The following LHPP variants were observed in gnomAD, a reference collection of about 807,000 sequenced individuals.
LHPP encodes the protein phospholysine phosphohistidine inorganic pyrophosphate phosphatase.
Under a neutral mutation model 30.3 loss-of-function variants are expected in LHPP, and 24 were observed. That is an observed-to-expected ratio of 0.79 (90% CI 0.57 to 1.11). The LOEUF (loss-of-function observed/expected upper bound fraction) is 1.11. Among genes scored for constraint, LHPP ranks in the 50% most tolerant of loss-of-function variants. LHPP has a pLI of 0.00. For missense variants in LHPP, 356 were observed against 367.2 expected (o/e 0.97, Z 0.25); for synonymous variants, 150 against 157.1 (o/e 0.95, Z 0.34).
intron 6 of LHPP, among the ~76,000 whole-genome samples, chr10:124,528,814 G>T (rs1954809771): frequency 6.6e-6 from 1 of 152,128 alleles, no homozygotes; most frequent in Non-Finnish European, 1.5e-5. Context: ...GAATGTGGCA[G>T]GTGTCCCCTG....
At chr10:124,486,599 C>T (rs565779626) in intron 2 of LHPP, among the ~76,000 whole-genome samples, 38 of 152,374 alleles carry the variant, frequency 2.5e-4, no homozygotes, top group South Asian at 6.2e-4. Flanking sequence ...ATTCTCCCAG[C>T]GATGATGTGT....
At chr10:124,520,820 C>T (rs867676017) in intron 6 of LHPP, among the ~76,000 whole-genome samples, 6 of 152,182 alleles carry the variant, frequency 3.9e-5, no homozygotes, top group Non-Finnish European at 8.8e-5. Context: ...GTAGCTCGCC[C>T]ACAGTGAGAC....
intron 1 of LHPP, among the ~76,000 whole-genome samples, 197 bp downstream of exon 1, chr10:124,462,184 C>G (rs1431410678): frequency 1.3e-5 from 2 of 152,188 alleles, no homozygotes; most frequent in African/African-American, 2.4e-5. Flanking sequence ...CACCAGGACT[C>G]TGCTGGTTAG....
chr10:124,600,007 G>C (rs1170116792), intron 6 of LHPP, among the ~76,000 whole-genome samples: 2 of 152,174 alleles, frequency 1.3e-5, no homozygotes, highest in Non-Finnish European at 2.9e-5. Flanking sequence ...TGCGGAGTGA[G>C]GGAGTGAGAG....
intron 1 of LHPP, among the ~76,000 whole-genome samples, chr10:124,475,367 C>T (rs1038354328): frequency 1.3e-5 from 2 of 151,698 alleles, no homozygotes; most frequent in African/African-American, 4.8e-5. Context: ...TGGTGAAACC[C>T]CATCTCTACT....
chr10:124,483,805 C>G (rs572547083), intron 1 of LHPP, among the ~76,000 whole-genome samples: 1 of 132,584 alleles, frequency 7.5e-6, no homozygotes, highest in Non-Finnish European at 1.6e-5. Flanking sequence ...GGTAGAGAGG[C>G]GGGGGGACAG....
chr10:124,553,994 A>G, intron 6 of LHPP: 2 of 985,392 alleles, frequency 2.0e-6, no homozygotes, highest in Non-Finnish European at 2.4e-6. Context: ...GCTCCTGTGG[A>G]CAGCTCCATG....
Position 124,517,503 on chromosome 10 carries a change from C to T in LHPP, c.716+232C>T, listed in dbSNP as rs1191472028. ...ATACAGGGTCTGGGTTTTGGAATGG[C>T]GTGCAGTGCAGAGAGAAATAAGCAA... On this transcript the variant is annotated intron_variant, in intron 6 of 6. Coordinates refer to ENST00000368842, the MANE Select transcript of LHPP (RefSeq NM_022126.4). The surrounding 1 kb of genome is among the most constrained non-coding windows in gnomAD (Gnocchi z 4.1). The T allele has an allele frequency of 3.1e-6, 1 of 323,892 alleles. No homozygotes were observed. Among genetic ancestry groups the T allele is most frequent in the African/African-American group, 2.2e-5 (1 of 46,262 alleles). 20.1% of individuals were successfully genotyped at this position (323,892 alleles called of 1,614,324 possible).
At chr10:124,494,732 C>T (rs1953653626) in intron 3 of LHPP, among the ~76,000 whole-genome samples, 1 of 152,184 alleles carries the variant, frequency 6.6e-6, no homozygotes, top group Non-Finnish European at 1.5e-5. Context: ...TGCTGCCTCC[C>T]TGAACCCAGC....
At chr10:124,580,263 A>G (rs1377727875) in intron 6 of LHPP, among the ~76,000 whole-genome samples, 1 of 152,240 alleles carries the variant, frequency 6.6e-6, no homozygotes, top group African/African-American at 2.4e-5. Context: ...TTAAATTAAA[A>G]TATAATCAGA....
intron 6 of LHPP, among the ~76,000 whole-genome samples, chr10:124,599,843 G>A (rs900543604): frequency 3.9e-5 from 6 of 152,220 alleles, no homozygotes; most frequent in African/African-American, 1.4e-4. Context: ...TCGTCCCATG[G>A]CACTGTCAGC....
chr10:124,544,886 G>T (rs1424421101), intron 6 of LHPP, among the ~76,000 whole-genome samples: 1 of 152,192 alleles, frequency 6.6e-6, no homozygotes, highest in African/African-American at 2.4e-5. Flanking sequence ...GAGTGTTCTG[G>T]CCACTGTGGC....
rs1175062359 is a variant in LHPP at position 124,541,238 on chromosome 10, G to T, written c.716+23967G>T. ...CGCTGCCCCTGCACACTGTGCTTGG[G>T]GGACACAGCCGACACGACCAGCCTG... On this transcript the variant is annotated intron_variant, in intron 6 of 6. Coordinates refer to ENST00000368842, the MANE Select transcript of LHPP (RefSeq NM_022126.4). This position sits in a 1 kb window ranked among gnomAD's most constrained non-coding sequence, Gnocchi z 4.2. Among the ~76,000 whole-genome samples the T allele has an allele frequency of 1.3e-5, 2 of 152,206 alleles. No homozygotes were observed. The highest frequency in any genetic ancestry group is 1.3e-4 in the Admixed American group (2 of 15,282).
At chr10:124,472,873 G>A (rs1589759551) in intron 1 of LHPP, among the ~76,000 whole-genome samples, 2 of 152,220 alleles carry the variant, frequency 1.3e-5, no homozygotes, top group Middle Eastern at 3.4e-3. Context: ...TTCCATTTTT[G>A]TTAAGAGAAA....
At chr10:124,522,247 C>G (rs1402494991) in intron 6 of LHPP, among the ~76,000 whole-genome samples, 1 of 152,214 alleles carries the variant, frequency 6.6e-6, no homozygotes, top group African/African-American at 2.4e-5. Context: ...CGGCCCTCAC[C>G]TGGCTGGCAG....
At chr10:124,604,764 C>T (rs758051532) in intron 6 of LHPP, among the ~76,000 whole-genome samples, 6 of 152,240 alleles carry the variant, frequency 3.9e-5, no homozygotes, top group Non-Finnish European at 5.9e-5. Flanking sequence ...ACTGGGCAGC[C>T]GCCCCCTGCA....
At chr10:124,588,714 C>T (rs1948838176) in intron 6 of LHPP, among the ~76,000 whole-genome samples, 1 of 152,162 alleles carries the variant, frequency 6.6e-6, no homozygotes, top group Non-Finnish European at 1.5e-5. Flanking sequence ...ATCCTGGCTC[C>T]TCAGAATCTG....
Position 124,592,028 on chromosome 10 carries a change from A to G in LHPP, c.717-21236A>G, listed in dbSNP as rs933028164. Among the ~76,000 whole-genome samples, 2 of 152,186 alleles carry G rather than the reference A, an allele frequency of 1.3e-5. No homozygotes were observed. The highest frequency in any genetic ancestry group is 4.8e-5 in the African/African-American group (2 of 41,448). On this transcript the variant is annotated intron_variant, in intron 6 of 6. Coordinates refer to ENST00000368842, the MANE Select transcript of LHPP (RefSeq NM_022126.4). This position sits in a 1 kb window ranked among gnomAD's most constrained non-coding sequence, Gnocchi z 6.2. ...ACACACCCTAGACAAGTCAGCACTC[A>G]AGTTTATATGGACAAATAAGCAAGT...
intron 6 of LHPP, among the ~76,000 whole-genome samples, chr10:124,610,372 T>C (rs1949158701): frequency 2.0e-5 from 3 of 148,436 alleles, no homozygotes; most frequent in African/African-American, 5.2e-5. Context: ...AGGGTGCTGG[T>C]GGAGCGGGTG....
Sources: allele counts gnomAD v4.1 joint callset (sites outside exome capture counted in the v4.1 genomes callset), GRCh38; gene constraint gnomAD v4.1.1; non-coding constraint Gnocchi (gnomAD v3.1); transcripts MANE v1.5; gene names NCBI Gene and HGNC (gene_info 2026-07-23, HGNC 2026-07-21).